Variants in CSMD1 observed in about 807,000 individuals in gnomAD.
CSMD1 encodes CUB and Sushi multiple domains 1.
A neutral mutation model predicts 417.5 loss-of-function variants in CSMD1; 213 were observed. That is an observed-to-expected ratio of 0.51 (90% CI 0.46 to 0.57). The LOEUF is 0.57. CSMD1 is among the 20% of genes least tolerant of loss of function. The pLI is 0.00. For synonymous variants in CSMD1, 2,862 were observed against 1,736.8 expected (o/e 1.65, Z -16.11); for missense variants, 6,923 against 4,529.7 (o/e 1.53, Z -15.17).
intron 3 of CSMD1, among the ~76,000 whole-genome samples, chr8:4,273,929 T>C (rs1055990886): frequency 1.3e-5 from 2 of 152,186 alleles, no homozygotes; most frequent in African/African-American, 4.8e-5. Flanking sequence ...GGATTACTTT[T>C]CTATGGAGGC....
chr8:3,048,875 T>C (rs1291117739), intron 50 of CSMD1, among the ~76,000 whole-genome samples: 1 of 143,936 alleles, frequency 6.9e-6, no homozygotes, highest in Non-Finnish European at 1.5e-5. Context: ...AAAGAACTCT[T>C]AAAAAAAAAA....
intron 1 of CSMD1, among the ~76,000 whole-genome samples, chr8:4,678,123 A>G (rs1251472396): frequency 6.6e-6 from 1 of 152,074 alleles, no homozygotes; most frequent in African/African-American, 2.4e-5. Context: ...CAGTCTAAAA[A>G]GAATTTTTCT....
chr8:4,584,624 G>T (rs529734329), intron 2 of CSMD1, among the ~76,000 whole-genome samples: 1 of 152,008 alleles, frequency 6.6e-6, no homozygotes, highest in South Asian at 2.1e-4. Flanking sequence ...ATGCAGCTCC[G>T]GGGTCCCAAC....
intron 1 of CSMD1, among the ~76,000 whole-genome samples, 187 bp downstream of exon 1, chr8:4,994,145 G>A (rs552980684): frequency 6.6e-6 from 1 of 152,066 alleles, no homozygotes; most frequent in African/African-American, 2.4e-5. Context: ...GGGGGCCCAG[G>A]AGGGCTGGGG....
intron 47 of CSMD1, among the ~76,000 whole-genome samples, chr8:3,095,491 G>C (rs958226695): frequency 6.6e-6 from 1 of 152,014 alleles, no homozygotes; most frequent in Non-Finnish European, 1.5e-5. Flanking sequence ...TTGCTCTCCA[G>C]TCCTCTGCTT....
chr8:3,870,067 C>A (rs933482125), intron 5 of CSMD1, among the ~76,000 whole-genome samples: 1 of 152,124 alleles, frequency 6.6e-6, no homozygotes, highest in Non-Finnish European at 1.5e-5. Flanking sequence ...AGCATACCCT[C>A]TGGGTATAAT....
chr8:4,705,798 T>C (rs1285778239), intron 1 of CSMD1, among the ~76,000 whole-genome samples: 1 of 152,186 alleles, frequency 6.6e-6, no homozygotes, highest in Admixed American at 6.5e-5. Context: ...TTACAGAGTG[T>C]CTAGTTCTGG....
chr8:3,833,279 A>G (rs946358128), intron 5 of CSMD1, among the ~76,000 whole-genome samples: 2 of 152,114 alleles, frequency 1.3e-5, no homozygotes, highest in Non-Finnish European at 2.9e-5. Context: ...TCATTACAAC[A>G]CTGATATCTG....
intron 3 of CSMD1, among the ~76,000 whole-genome samples, chr8:4,372,936 G>A (rs916543210): frequency 6.6e-5 from 10 of 152,216 alleles, no homozygotes; most frequent in Non-Finnish European, 2.9e-5. Flanking sequence ...AGCACATAGT[G>A]ATTTGCTTCC....
At chr8:3,887,220 A>G (rs145838310) in intron 5 of CSMD1, among the ~76,000 whole-genome samples, 115 of 152,288 alleles carry the variant, frequency 7.6e-4, no homozygotes, top group South Asian at 2.9e-3. Context: ...AACAAGGAAC[A>G]TCTTAGCCAT....
intron 26 of CSMD1, among the ~76,000 whole-genome samples, chr8:3,252,096 A>G (rs569372585): frequency 1.3e-5 from 2 of 152,312 alleles, no homozygotes; most frequent in South Asian, 2.1e-4. Context: ...TTCCAACACT[A>G]TGTTGAATAG....
chr8:4,360,185 A>T (rs1206442996), intron 3 of CSMD1, among the ~76,000 whole-genome samples: 2 of 152,162 alleles, frequency 1.3e-5, no homozygotes, highest in Non-Finnish European at 2.9e-5. Context: ...GTCACCGAGT[A>T]AACGCGTGGC....
intron 10 of CSMD1, among the ~76,000 whole-genome samples, chr8:3,518,214 T>C (rs1797361241): frequency 6.6e-6 from 1 of 152,222 alleles, no homozygotes; most frequent in Non-Finnish European, 1.5e-5. Context: ...ACTTATTTTT[T>C]AATCTTTTTG....
intron 39 of CSMD1, 143 bp downstream of exon 39, chr8:3,157,754 C>A: frequency 3.0e-6 from 2 of 661,496 alleles, no homozygotes; most frequent in Non-Finnish European, 5.4e-6. Context: ...TCATTCTGCT[C>A]TACTGCATTA....
At chr8:4,029,167 C>G (rs1192642252) in intron 4 of CSMD1, among the ~76,000 whole-genome samples, 4 of 152,086 alleles carry the variant, frequency 2.6e-5, no homozygotes, top group Non-Finnish European at 5.9e-5. Flanking sequence ...AGGACATAAA[C>G]ATTGGCATCA....
rs116547572 is a variant in CSMD1, at chr8:4,223,437, A to G, written c.416-191338T>C. ...CGTCATCGCCAGGGATACGTGACGA[A>G]TAGGCTGACTGCTGGCCCAGACCAT... On this transcript the variant is annotated intron_variant, in intron 3 of 69. Transcript: ENST00000635120. Among the ~76,000 whole-genome samples, 1,075 of 152,354 alleles carry G rather than the reference A, an allele frequency of 7.1e-3. 11 individuals carry two copies. Among genetic ancestry groups the G allele is most frequent in the African/African-American group, 0.024 (1,016 of 41,586 alleles).
At chr8:3,829,027 TAAA>T (rs752944231) in intron 5 of CSMD1, among the ~76,000 whole-genome samples, 2 of 151,124 alleles carry the variant, frequency 1.3e-5, no homozygotes, top group African/African-American at 4.9e-5. Context: ...TCTTTTTTTT[TAAA>T]AAAATGTATT....
At chr8:3,140,844 A>G (rs1193900849) in intron 41 of CSMD1, among the ~76,000 whole-genome samples, 1 of 152,220 alleles carries the variant, frequency 6.6e-6, no homozygotes, top group Non-Finnish European at 1.5e-5. Context: ...ACTTTTTCAC[A>G]TGTCAAAAAT....
intron 1 of CSMD1, among the ~76,000 whole-genome samples, chr8:4,811,399 T>A (rs866997010): frequency 6.6e-6 from 1 of 152,168 alleles, no homozygotes; most frequent in Non-Finnish European, 1.5e-5. Flanking sequence ...TTTTTTTAAG[T>A]AATGTATTAT....
Sources: allele counts gnomAD v4.1 joint callset (sites outside exome capture counted in the v4.1 genomes callset), GRCh38; gene constraint gnomAD v4.1.1; transcripts MANE v1.5; gene names NCBI Gene and HGNC (gene_info 2026-07-23, HGNC 2026-07-21).